INSYN1: variants seen among roughly 807,000 people sequenced by gnomAD.
The protein encoded by INSYN1 is inhibitory synaptic factor 1.
Under a neutral mutation model 17.1 loss-of-function variants are expected in INSYN1, and 7 were observed. The ratio of observed to expected loss-of-function variants is 0.41; its 90% CI spans 0.23 to 0.77. The LOEUF is 0.77. Ranked by LOEUF, INSYN1 falls within the 30% of genes least tolerant of loss-of-function variation. The pLI is 0.32. For missense variants in INSYN1, 339 were observed against 400.6 expected (o/e 0.85, Z 1.31); for synonymous variants, 174 against 166.3 (o/e 1.05, Z -0.36).
intron 2 of INSYN1, among the ~76,000 whole-genome samples, chr15:73,745,447 A>G (rs929250588): frequency 1.3e-5 from 2 of 152,130 alleles, no homozygotes; most frequent in Non-Finnish European, 1.5e-5. Flanking sequence ...CAGGTTCCCT[A>G]TGAAAGGCTC....
chr15:73,746,875 G>A (rs1901849437), intron 2 of INSYN1, among the ~76,000 whole-genome samples: 1 of 152,100 alleles, frequency 6.6e-6, no homozygotes, highest in African/African-American at 2.4e-5. Context: ...CCTTAACCCT[G>A]CCTTTGGGAG....
At chr15:73,749,720 G>A (rs1359505973) in intron 2 of INSYN1, among the ~76,000 whole-genome samples, 1 of 152,198 alleles carries the variant, frequency 6.6e-6, no homozygotes, top group Non-Finnish European at 1.5e-5. Context: ...CCCAGTCCAT[G>A]GGCAGAAGCA....
rs2141457951 is a variant in INSYN1, at chr15:73,735,597, C to G, written c.*4320G>C. Reference sequence around the variant, plus strand: ...ACATGTTTCCTCACCCCAACACTCCCCTCACCCCGAAGACCCGCCTGGCTC... The same window carrying G: ...ACATGTTTCCTCACCCCAACACTCCGCTCACCCCGAAGACCCGCCTGGCTC... On this transcript the variant is annotated 3_prime_UTR_variant, in exon 3 of 3. Coordinates refer to ENST00000569673, the MANE Select transcript of INSYN1 (RefSeq NM_001039614.3). 6.6e-6 allele frequency: 1 copy of G among 152,292 alleles called. No individual in the cohort carries two copies. The highest frequency in any genetic ancestry group is 1.9e-4 in the East Asian group (1 of 5,178). The allele number at this position is 152,292 out of a possible 1,614,324, so 9.4% of individuals were successfully genotyped here. A position where few individuals can be genotyped will look rare whatever the true frequency, so the allele number is the denominator to read the frequency against.
At chr15:73,745,942 C>A (rs1455383757) in intron 2 of INSYN1, among the ~76,000 whole-genome samples, 2 of 152,140 alleles carry the variant, frequency 1.3e-5, no homozygotes, top group Non-Finnish European at 2.9e-5. Context: ...AGCCCCCTCT[C>A]CAGTGGAAGC....
intron 2 of INSYN1, among the ~76,000 whole-genome samples, chr15:73,742,265 T>C (rs1901709662): frequency 6.6e-6 from 1 of 152,304 alleles, no homozygotes; most frequent in South Asian, 2.1e-4. Flanking sequence ...TTTGACATTG[T>C]TCTGTGTGTC....
At chr15:73,750,627 A>G (rs1901952173) in intron 2 of INSYN1, among the ~76,000 whole-genome samples, 1 of 152,188 alleles carries the variant, frequency 6.6e-6, no homozygotes, top group South Asian at 2.1e-4. Flanking sequence ...GGTGGGTTCA[A>G]GGGTCAGCTT....
intron 2 of INSYN1, among the ~76,000 whole-genome samples, chr15:73,745,835 C>A (rs1284735849): frequency 6.6e-6 from 1 of 152,078 alleles, no homozygotes; most frequent in African/African-American, 2.4e-5. Context: ...CAAAACAAAA[C>A]AAAAAAACTG....
chr15:73,741,504 C>G (rs1355018558), intron 2 of INSYN1, among the ~76,000 whole-genome samples: 1 of 152,204 alleles, frequency 6.6e-6, no homozygotes, highest in East Asian at 1.9e-4. Flanking sequence ...AAGGCCCTGG[C>G]TTGGGACACT....
In INSYN1 at chr15:73,752,986, G is replaced by GCGGGC. The variant is rs969761722; in HGVS notation, c.-1449_-1445dup. Among the ~76,000 whole-genome samples, 51 of 150,252 alleles carry GCGGGC rather than the reference G, an allele frequency of 3.4e-4. No individual in the cohort carries two copies. Among genetic ancestry groups the GCGGGC allele is most frequent in the African/African-American group, 7.3e-4 (30 of 41,250 alleles). On this transcript the variant is annotated 5_prime_UTR_variant, in exon 1 of 3. Coordinates refer to ENST00000569673, the MANE Select transcript of INSYN1 (RefSeq NM_001039614.3). The surrounding 1 kb of genome is among the most constrained non-coding windows in gnomAD (Gnocchi z 5.2). ...GGGAAGGGAGGGGAGGGGGCGAGCG[G>GCGGGC]CGGGCCGGGCCGGGCCGGGGCGCAC...
intron 2 of INSYN1, among the ~76,000 whole-genome samples, chr15:73,749,481 C>G (rs995999573): frequency 1.3e-5 from 2 of 152,166 alleles, no homozygotes; most frequent in African/African-American, 4.8e-5. Flanking sequence ...GGCCTAGAGT[C>G]AATCCTGGCT....
At chr15:73,745,905 C>T (rs1017763054) in intron 2 of INSYN1, among the ~76,000 whole-genome samples, 6 of 152,170 alleles carry the variant, frequency 3.9e-5, no homozygotes, top group Non-Finnish European at 2.9e-5. Flanking sequence ...TATTGCCAGA[C>T]GCCAACCCTC....
In INSYN1 at chr15:73,751,125, G is replaced by T. The variant is rs773272214; in HGVS notation, c.6C>A (p.Asn2Lys). 1 of 1,613,686 alleles carries T rather than the reference G, an allele frequency of 6.2e-7. No individual in the cohort carries two copies. Among genetic ancestry groups the T allele is most frequent in the South Asian group, 1.1e-5 (1 of 91,078 alleles). M[N>K]IRGAPDLGQP... ...GCCCGAGGTCCGGGGCGCCCCGAAT[G>T]TTCATCGTTTACCACGTGGCCGCAG... is the stretch of plus-strand genomic sequence containing the variant. Residue 2 changes from asparagine (N) to lysine (K), a missense_variant, in exon 2 of 3, where the codon AAC becomes AAA. Physicochemically the swap from Asn to Lys is moderately conservative, Grantham distance 94. Transcript: ENST00000569673.
At position 73,740,687 on chromosome 15, in the gene INSYN1, C is replaced by T. The variant is rs74854476; in HGVS notation, c.157-45G>A. 8.1e-5 allele frequency: 121 copies of T among 1,494,998 alleles called. No individual in the cohort carries two copies. The African/African-American group carries it at 1.5e-3, about 19-fold the overall frequency. The allele number at this position is 1,494,998 out of a possible 1,614,324, so 92.6% of individuals were successfully genotyped here. Reference sequence around the variant, plus strand: ...GGAGATGAGAGGGGCCAGGTGGGTCCCTGCATCAGCCAGGTGTGAGTGTGT... The same window carrying T: ...GGAGATGAGAGGGGCCAGGTGGGTCTCTGCATCAGCCAGGTGTGAGTGTGT... On this transcript the variant is annotated intron_variant, in intron 2 of 2. Coordinates refer to ENST00000569673, the MANE Select transcript of INSYN1 (RefSeq NM_001039614.3).
In INSYN1 at chr15:73,739,979, T is replaced by C. The variant is rs1364402966; in HGVS notation, c.820A>G (p.Lys274Glu). ...TAGGGCAGAACCGTCTGCGTGCTCT[T>C]GTCTGACACTGTCTGGGTGCTGCTG... ...RNSSTQTVSD[K>E]STQTVLPYTA... Residue 274 changes from lysine to glutamate, a missense_variant, in exon 3 of 3, where the codon AAG becomes GAG. Lys to Glu is a moderately conservative substitution (Grantham distance 56, BLOSUM62 1). Transcript: ENST00000569673. The C allele has an allele frequency of 2.5e-6, 4 of 1,613,170 alleles. No homozygotes were observed. Among genetic ancestry groups the C allele is most frequent in the Non-Finnish European group, 1.7e-6 (2 of 1,179,748 alleles).
chr15:73,748,874 C>T (rs1028001091), intron 2 of INSYN1, among the ~76,000 whole-genome samples: 5 of 152,210 alleles, frequency 3.3e-5, no homozygotes, highest in Admixed American at 6.5e-5. Context: ...CCCACTCCCC[C>T]AGCTGGGTGC....
Position 73,753,225 on chromosome 15 carries a change from GCCCCGGCCGC to G in INSYN1, c.-1693_-1684del, listed in dbSNP as rs1172583564. Reference sequence around the variant, plus strand: ...AGCGCCGCGGCGCCGCGCCGCCCGCGCCCCGGCCGCCCCCGGCCCGCCCCGCCGCCCCCCG... The same window carrying G: ...AGCGCCGCGGCGCCGCGCCGCCCGCGCCCCGGCCCGCCCCGCCGCCCCCCG... On this transcript the variant is annotated 5_prime_UTR_variant, in exon 1 of 3. Transcript: ENST00000569673. The surrounding 1 kb of genome is among the most constrained non-coding windows in gnomAD (Gnocchi z 4.2). 4.1e-5 allele frequency among the ~76,000 whole-genome samples: 6 copies of G among 145,054 alleles called. No homozygotes were observed. Among genetic ancestry groups the G allele is most frequent in the South Asian group, 2.1e-4 (1 of 4,726 alleles).
intron 2 of INSYN1, among the ~76,000 whole-genome samples, chr15:73,741,498 C>T (rs1039472054): frequency 3.9e-5 from 6 of 152,208 alleles, no homozygotes; most frequent in African/African-American, 1.4e-4. Context: ...ATACAGAAGG[C>T]CCTGGCTTGG....
In INSYN1 at chr15:73,738,584, G is replaced by A. The variant is rs894036991; in HGVS notation, c.*1333C>T. 6.6e-6 allele frequency: 1 copy of A among 152,332 alleles called. No individual in the cohort carries two copies. Among genetic ancestry groups the A allele is most frequent in the East Asian group, 1.9e-4 (1 of 5,180 alleles). The allele number at this position is 152,332 out of a possible 1,614,324, so 9.4% of individuals were successfully genotyped here. A position where few individuals can be genotyped will look rare whatever the true frequency, so the allele number is the denominator to read the frequency against. On this transcript the variant is annotated 3_prime_UTR_variant, in exon 3 of 3. Transcript: ENST00000569673. The stretch of plus-strand genomic sequence containing the variant: ...TGTAGTCCCAGTTGCTCTGGAGGCT[G>A]AAGTGGGAGAATTGCTTGAACCTGG...
intron 2 of INSYN1, among the ~76,000 whole-genome samples, chr15:73,741,934 A>C (rs898379161): frequency 6.6e-6 from 1 of 152,220 alleles, no homozygotes; most frequent in Non-Finnish European, 1.5e-5. Context: ...TGATGGCCAG[A>C]GTGGCTTGGG....
Sources: allele counts gnomAD v4.1 joint callset (sites outside exome capture counted in the v4.1 genomes callset), GRCh38; gene constraint gnomAD v4.1.1; non-coding constraint Gnocchi (gnomAD v3.1); transcripts MANE v1.5; gene names NCBI Gene and HGNC (gene_info 2026-07-23, HGNC 2026-07-21).